The following SPDL1 variants were observed in gnomAD, a reference collection of about 807,000 sequenced individuals.
SPDL1 encodes the protein protein Spindly.
In SPDL1, 85 loss-of-function variants were observed where a neutral mutation model predicts 79.5. The observed-to-expected ratio is 1.07, with a 90% confidence interval of 0.90 to 1.28. The LOEUF (loss-of-function observed/expected upper bound fraction) is 1.28. Among genes scored for constraint, SPDL1 ranks in the 50% most tolerant of loss-of-function variants. SPDL1 has a pLI of 0.00. For synonymous variants in SPDL1, 269 were observed against 240.3 expected (o/e 1.12, Z -1.10); for missense variants, 703 against 697.8 (o/e 1.01, Z -0.08).
intron 1 of SPDL1, among the ~76,000 whole-genome samples, chr5:169,585,400 C>G (rs1754939437): frequency 6.6e-6 from 1 of 152,196 alleles, no homozygotes; most frequent in Non-Finnish European, 1.5e-5. Context: ...ATGTCTCACA[C>G]AATAAGAATT....
Position 169,594,150 on chromosome 5 carries a change from C to T in SPDL1, c.537C>T (p.Thr179=), listed in dbSNP as rs768912342. ...ELTEMESMKT[T]LKEEVNELQY... Reference sequence around the variant, plus strand: ...TTTCAATTCCTGTTAAATAGACCACCCTCAAAGAAGAAGTGAATGAACTAC... The same window carrying T: ...TTTCAATTCCTGTTAAATAGACCACTCTCAAAGAAGAAGTGAATGAACTAC... The change falls in exon 5 of 12, where the codon ACC becomes ACT. Residue 179 remains threonine (T), a synonymous_variant. Transcript: ENST00000265295. The T allele has an allele frequency of 8.1e-6, 13 of 1,599,632 alleles. No individual in the cohort carries two copies. Among genetic ancestry groups the T allele is most frequent in the Non-Finnish European group, 1.0e-5 (12 of 1,176,086 alleles).
intron 9 of SPDL1, 40 bp from the exon 10 acceptor site, chr5:169,598,932 T>C (rs747142759): frequency 6.7e-7 from 1 of 1,500,040 alleles, no homozygotes; most frequent in Middle Eastern, 1.9e-4. Flanking sequence ...TATTATATGC[T>C]GTCTTAATAC....
chr5:169,604,279 C>G lies in SPDL1; in HGVS notation c.*72C>G. On this transcript the variant is annotated 3_prime_UTR_variant, in exon 12 of 12. Transcript: ENST00000265295. ...CTATGGTGCTTAAGATTGTCTTGAT[C>G]TGACATATATCACCTTCTGGGTTAT... 7.3e-7 allele frequency: 1 copy of G among 1,368,910 alleles called. No homozygotes were observed. Among genetic ancestry groups the G allele is most frequent in the Non-Finnish European group, 9.8e-7 (1 of 1,023,254 alleles). The allele number at this position is 1,368,910 out of a possible 1,614,324, so 84.8% of individuals were successfully genotyped here.
chr5:169,593,593 T>C (rs773814899), intron 4 of SPDL1, 45 bp downstream of exon 4: 30 of 1,507,068 alleles, frequency 2.0e-5, no homozygotes, highest in Non-Finnish European at 1.9e-5. Flanking sequence ...TCTTTTTTTT[T>C]CTGGCATATT....
At chr5:169,602,845 T>C (rs1756005698) in intron 11 of SPDL1, among the ~76,000 whole-genome samples, 1 of 152,256 alleles carries the variant, frequency 6.6e-6, no homozygotes, top group African/African-American at 2.4e-5. Flanking sequence ...CAAAGAGTTC[T>C]GAAATGAATC....
chr5:169,588,966 TAACAC>T (rs1280157727), intron 2 of SPDL1: 1 of 153,672 alleles, frequency 6.5e-6, no homozygotes, highest in Non-Finnish European at 1.4e-5. Flanking sequence ...TTCTCAAACT[TAACAC>T]AGACAGAAGA....
At position 169,596,574 on chromosome 5, in the gene SPDL1, C is replaced by T. The variant is rs753614593; in HGVS notation, c.905C>T (p.Thr302Met). The T allele has an allele frequency of 7.5e-6, 12 of 1,610,206 alleles. No individual in the cohort carries two copies. Among genetic ancestry groups the T allele is most frequent in the African/African-American group, 4.0e-5 (3 of 74,628 alleles). The change falls in exon 8 of 12, where the codon ACG (threonine) becomes ATG (methionine). Residue 302 changes from threonine (T) to methionine (M), a missense_variant. Coordinates refer to ENST00000265295, the MANE Select transcript of SPDL1 (RefSeq NM_017785.5). ...QMQRMKLQIA[T>M]LLQMKGSQTE... is the part of the protein sequence containing the mutation. ...TTATTTTTCTAGTTACAAATTGCCA[C>T]GTTGCTACAGATGAAAGGGTCTCAA...
At chr5:169,597,853 T>G (rs1199514523) in intron 8 of SPDL1, among the ~76,000 whole-genome samples, 1 of 152,100 alleles carries the variant, frequency 6.6e-6, no homozygotes. Context: ...GTTGGCAGCC[T>G]TATGTTTCCA....
chr5:169,596,054 A>G (rs1755564099), intron 7 of SPDL1: 2 of 152,504 alleles, frequency 1.3e-5, no homozygotes, highest in South Asian at 4.1e-4. Context: ...TGCTCTAAAA[A>G]AATTAAAACA....
chr5:169,586,878 C>G (rs1014972856), intron 1 of SPDL1, among the ~76,000 whole-genome samples: 4 of 152,186 alleles, frequency 2.6e-5, no homozygotes, highest in African/African-American at 9.7e-5. Context: ...ATCAGATCCT[C>G]TACTCCAGAC....
chr5:169,588,351 T>G (rs903740298), intron 1 of SPDL1, 43 bp from the exon 2 acceptor site: 112 of 1,370,626 alleles, frequency 8.2e-5, no homozygotes, highest in Admixed American at 3.5e-4. Context: ...TTGCATGGAG[T>G]TTTTTGTATA....
In SPDL1 at chr5:169,604,311, A is replaced by G. The variant is rs1030148065; in HGVS notation, c.*104A>G. On this transcript the variant is annotated 3_prime_UTR_variant, in exon 12 of 12. Coordinates refer to ENST00000265295, the MANE Select transcript of SPDL1 (RefSeq NM_017785.5). Reference sequence around the variant, plus strand: ...ATATCACCTTCTGGGTTATTTACTCATTGTGCCAGGACCTGGCATTTTCAT... The same window carrying G: ...ATATCACCTTCTGGGTTATTTACTCGTTGTGCCAGGACCTGGCATTTTCAT... 1.5e-5 allele frequency: 18 copies of G among 1,189,066 alleles called. No individual in the cohort carries two copies. The highest frequency in any genetic ancestry group is 2.8e-5 in the Admixed American group (1 of 35,382). 73.7% of individuals were successfully genotyped at this position (1,189,066 alleles called of 1,614,324 possible). A position where few individuals can be genotyped will look rare whatever the true frequency, so the allele number is the denominator to read the frequency against.
chr5:169,595,988 T>C (rs1408309210), intron 7 of SPDL1: 1 of 152,210 alleles, frequency 6.6e-6, no homozygotes, highest in Non-Finnish European at 1.5e-5. Context: ...TTCCCTCTGG[T>C]AGCTTCACAA....
In SPDL1 at chr5:169,604,174, A is replaced by G; in HGVS notation, c.1785A>G (p.Lys595=). ...KLHPILYVSS[K]STPETQCPQQ is the part of the protein sequence containing the mutation. ...ACCCTATTCTATATGTGTCTTCTAA[A>G]TCTACTCCAGAGACCCAGTGCCCTC... Residue 595 remains lysine (K), a synonymous_variant, in exon 12 of 12, where the codon AAA becomes AAG. Coordinates refer to ENST00000265295, the MANE Select transcript of SPDL1 (RefSeq NM_017785.5). 2 of 1,607,444 alleles carry G rather than the reference A, an allele frequency of 1.2e-6. No individual in the cohort carries two copies. The highest frequency in any genetic ancestry group is 1.7e-6 in the Non-Finnish European group (2 of 1,177,686).
chr5:169,583,966 T>C (rs919070283), intron 1 of SPDL1, 77 bp downstream of exon 1: 4 of 152,356 alleles, frequency 2.6e-5, no homozygotes, highest in Non-Finnish European at 4.4e-5. Context: ...TAAAGAAAGC[T>C]AGGGGCCGGG....
In SPDL1 at chr5:169,591,219, A is replaced by C; in HGVS notation, c.331A>C (p.Thr111Pro). Residue 111 changes from threonine to proline, a missense_variant, in exon 3 of 12, where the codon ACT becomes CCT. Physicochemically the swap from Thr to Pro is conservative, Grantham distance 38. Transcript: ENST00000265295. Reference protein sequence around the residue: ...SHGQEVNELKTKIEKLKVELD... With the variant: ...SHGQEVNELKPKIEKLKVELD... The stretch of plus-strand genomic sequence containing the variant: ...TGGACAGGAAGTGAATGAACTAAAA[A>C]CTAAGGTTGGGATATCTGCGTATTT... 6.2e-7 allele frequency: 1 copy of C among 1,612,722 alleles called. No individual in the cohort carries two copies. Among genetic ancestry groups the C allele is most frequent in the Non-Finnish European group, 8.5e-7 (1 of 1,179,488 alleles).
Position 169,591,126 on chromosome 5 carries a change from T to C in SPDL1, c.238T>C (p.Cys80Arg). ...AATGTTAGAAAGTTTGAGCTGCGAA[T>C]GTGAAGCTATTAAACAACAACAAAA... The part of the protein sequence containing the change: ...SRMLESLSCE[C>R]EAIKQQQKMH... The change falls in exon 3 of 12, where the codon TGT becomes CGT. Residue 80 changes from cysteine to arginine, a missense_variant. Transcript: ENST00000265295. 3.1e-6 allele frequency: 5 copies of C among 1,614,024 alleles called. No individual in the cohort carries two copies. The highest frequency in any genetic ancestry group is 4.2e-6 in the Non-Finnish European group (5 of 1,179,966).
chr5:169,593,692 G>T, intron 4 of SPDL1, 144 bp downstream of exon 4: 1 of 744,446 alleles, frequency 1.3e-6, no homozygotes, highest in Non-Finnish European at 2.1e-6. Flanking sequence ...TTAAAAAATG[G>T]GTTTTTTTTA....
intron 1 of SPDL1, among the ~76,000 whole-genome samples, chr5:169,584,825 A>C (rs1754897638): frequency 6.6e-6 from 1 of 152,144 alleles, no homozygotes; most frequent in South Asian, 2.1e-4. Context: ...CAACCTCTTG[A>C]AGTTGTTGAG....
Sources: gnomAD v4.1 joint callset for allele counts (sites outside exome capture counted in the v4.1 genomes callset) on GRCh38, gnomAD v4.1.1 for gene constraint, MANE v1.5 for transcripts, NCBI Gene and HGNC (gene_info 2026-07-23, HGNC 2026-07-21) for gene names.